Variants in PKHD1L1 observed in about 807,000 individuals in gnomAD.
PKHD1L1 encodes fibrocystin-L.
In PKHD1L1, 434 loss-of-function variants were observed where a neutral mutation model predicts 462.9. The observed-to-expected ratio is 0.94, with a 90% CI of 0.87 to 1.02. The LOEUF is 1.02. Among genes scored for constraint, PKHD1L1 ranks in the 50% least tolerant of loss-of-function variants. PKHD1L1 has a pLI of 0.00. For synonymous variants in PKHD1L1, 1,781 were observed against 1,750.0 expected (o/e 1.02, Z -0.44); for missense variants, 5,202 against 5,096.1 (o/e 1.02, Z -0.63).
intron 2 of PKHD1L1, among the ~76,000 whole-genome samples, chr8:109,375,929 G>A (rs1431266257): frequency 6.6e-6 from 1 of 152,228 alleles, no homozygotes; most frequent in Non-Finnish European, 1.5e-5. Flanking sequence ...ATGCCTCCCA[G>A]TTAGGCTACT....
intron 77 of PKHD1L1, among the ~76,000 whole-genome samples, chr8:109,527,361 G>C (rs1231066028): frequency 6.6e-6 from 1 of 151,988 alleles, no homozygotes; most frequent in East Asian, 1.9e-4. Flanking sequence ...AAAATTAGCT[G>C]GGCATGGTGG....
chr8:109,367,551 G>C (rs1469241782), intron 2 of PKHD1L1, among the ~76,000 whole-genome samples: 2 of 152,168 alleles, frequency 1.3e-5, no homozygotes, highest in Admixed American at 6.5e-5. Context: ...GTATAGTATT[G>C]ACTTGTAAAC....
intron 37 of PKHD1L1, 69 bp from the exon 38 acceptor site, chr8:109,444,592 T>C: frequency 7.3e-7 from 1 of 1,378,902 alleles, no homozygotes; most frequent in Non-Finnish European, 9.9e-7. Context: ...TAGTTGTTGC[T>C]AATACAAAAT....
At position 109,510,830 on chromosome 8, in the gene PKHD1L1, C is replaced by T. The variant is rs1470086056; in HGVS notation, c.11449C>T (p.Leu3817=). The T allele has an allele frequency of 6.2e-7, 1 of 1,613,346 alleles. No homozygotes were observed. Among genetic ancestry groups the T allele is most frequent in the Non-Finnish European group, 8.5e-7 (1 of 1,179,478 alleles). The stretch of plus-strand genomic sequence containing the variant: ...ATATACATGCCAGAGAAGGCTGTCC[C>T]TGTTTCACAGCATTGTGGCTCTGAA... The part of the protein sequence containing the change: ...AGYTCQRRLS[L]FHSIVALNKS... The change falls in exon 71 of 78, where the codon CTG becomes TTG. Residue 3817 remains leucine, a synonymous_variant. Coordinates refer to ENST00000378402, the MANE Select transcript of PKHD1L1 (RefSeq NM_177531.6).
chr8:109,525,337 G>C (rs1423639247), intron 76 of PKHD1L1, among the ~76,000 whole-genome samples: 1 of 152,214 alleles, frequency 6.6e-6, no homozygotes, highest in African/African-American at 2.4e-5. Context: ...ATTACTAACA[G>C]ACACTGGGAC....
At chr8:109,416,909 A>C (rs1179707565) in intron 21 of PKHD1L1, among the ~76,000 whole-genome samples, 1 of 152,134 alleles carries the variant, frequency 6.6e-6, no homozygotes, top group Admixed American at 6.5e-5. Flanking sequence ...GTGAAATAAC[A>C]ATTTTACTTT....
rs745388772 is a variant in PKHD1L1, at chr8:109,476,578, G to A, written c.8828G>A (p.Arg2943Lys). The A allele has an allele frequency of 1.4e-5, 22 of 1,569,928 alleles. No individual in the cohort carries two copies. The highest frequency in any genetic ancestry group is 2.3e-5 in the South Asian group (2 of 86,616). Residue 2943 changes from arginine to lysine, a missense_variant, in exon 52 of 78, where the codon AGG (arginine) becomes AAG (lysine). Arg to Lys is a conservative substitution (Grantham distance 26). Around this residue, in one of 3 missense-constraint regions of PKHD1L1, gnomAD observed 4,497 missense variants for 4,336.8 expected, o/e 1.04. Coordinates refer to ENST00000378402, the MANE Select transcript of PKHD1L1 (RefSeq NM_177531.6). ...GACATGTTTAATATTATTGATATGAGGAATGGTTCCTCAAATCCATTGAAT... is the reference window on the plus strand; with the variant it reads ...GACATGTTTAATATTATTGATATGAAGAATGGTTCCTCAAATCCATTGAAT... ...NPDMFNIIDM[R>K]NGSSNPLNWN...
chr8:109,520,777 G>A lies in PKHD1L1; in HGVS notation c.12032-1409G>A, dbSNP rs1216769424. 9.1e-5 allele frequency among the ~76,000 whole-genome samples: 11 copies of A among 120,498 alleles called. No individual in the cohort carries two copies. In the South Asian group the frequency reaches 2.9e-3, roughly 32 times the overall value. 79.1% of individuals were successfully genotyped at this position (120,498 alleles called of 152,430 possible). On this transcript the variant is annotated intron_variant, in intron 73 of 77. Coordinates refer to ENST00000378402, the MANE Select transcript of PKHD1L1 (RefSeq NM_177531.6). Reference sequence around the variant, plus strand: ...TATGTATTAAAGGCATTTATGAGCAGACAGTCCTACAGCCAGGAATAAGAG... The same window carrying A: ...TATGTATTAAAGGCATTTATGAGCAAACAGTCCTACAGCCAGGAATAAGAG...
At chr8:109,434,343 C>T (rs1484368839) in intron 28 of PKHD1L1, among the ~76,000 whole-genome samples, 12 of 150,232 alleles carry the variant, frequency 8.0e-5, no homozygotes, top group African/African-American at 2.9e-4. Flanking sequence ...TGTTTTCATA[C>T]ATACATCTCT....
Position 109,404,583 on chromosome 8 carries a change from A to G in PKHD1L1, c.1403A>G (p.Tyr468Cys), listed in dbSNP as rs772521761. Residue 468 changes from tyrosine (Y) to cysteine (C), a missense_variant, in exon 15 of 78, where the codon TAC becomes TGC. Physicochemically the swap from Tyr to Cys is radical, Grantham distance 194 (BLOSUM62 -2). Around this residue, in one of 3 missense-constraint regions of PKHD1L1, gnomAD observed 4,497 missense variants for 4,336.8 expected, o/e 1.04. Transcript: ENST00000378402. ...TATATTGAAATCTTGCTGCAGGAGT[A>G]CAGATTAAGTGCATTTGTTGATGTT... is the stretch of plus-strand genomic sequence containing the variant. Reference protein sequence around the residue: ...EYYIEILLQEYRLSAFVDVGL... With the variant: ...EYYIEILLQECRLSAFVDVGL... 1.9e-6 allele frequency: 3 copies of G among 1,585,956 alleles called. No individual in the cohort carries two copies. In the South Asian group the frequency reaches 3.5e-5, roughly 18 times the overall value.
At position 109,381,159 on chromosome 8, in the gene PKHD1L1, C is replaced by T. The variant is rs192681126; in HGVS notation, c.164-211C>T. 6.6e-5 allele frequency among the ~76,000 whole-genome samples: 10 copies of T among 152,232 alleles called. No individual in the cohort carries two copies. The East Asian group carries it at 1.7e-3, about 26-fold the overall frequency. On this transcript the variant is annotated intron_variant, in intron 2 of 77. Coordinates refer to ENST00000378402, the MANE Select transcript of PKHD1L1 (RefSeq NM_177531.6). ...ATACTAAGAGATGACTGTATCTACC[C>T]TCCAGCAATACTTTTATGAGTAAAT...
At chr8:109,485,871 A>G (rs538782398) in intron 58 of PKHD1L1, among the ~76,000 whole-genome samples, 24 of 152,156 alleles carry the variant, frequency 1.6e-4, no homozygotes, top group African/African-American at 5.8e-4. Flanking sequence ...GCATGTGTCT[A>G]TAATTCTATA....
intron 27 of PKHD1L1, among the ~76,000 whole-genome samples, chr8:109,431,977 T>C (rs1245662107): frequency 6.6e-6 from 1 of 152,166 alleles, no homozygotes; most frequent in East Asian, 1.9e-4. Flanking sequence ...TTGGAAGTGA[T>C]CGGCTTCCTA....
intron 74 of PKHD1L1, among the ~76,000 whole-genome samples, 198 bp from the exon 75 acceptor site, chr8:109,522,546 T>A (rs1457288): frequency 2.8e-4 from 42 of 152,148 alleles, no homozygotes; most frequent in Admixed American, 1.4e-3. Context: ...GTATTGGTTA[T>A]AAATTTGTTT....
intron 16 of PKHD1L1, among the ~76,000 whole-genome samples, chr8:109,405,947 A>G (rs1347629152): frequency 2.6e-5 from 4 of 152,192 alleles, no homozygotes; most frequent in African/African-American, 9.6e-5. Context: ...GGCCTATGGA[A>G]CACCAATTTA....
At chr8:109,526,317 T>C (rs1820812761) in intron 76 of PKHD1L1, among the ~76,000 whole-genome samples, 1 of 152,248 alleles carries the variant, frequency 6.6e-6, no homozygotes, top group African/African-American at 2.4e-5. Flanking sequence ...TTTGCTGTAT[T>C]ATTCTTTCAA....
intron 9 of PKHD1L1, among the ~76,000 whole-genome samples, chr8:109,391,895 T>A (rs765752506): frequency 7.2e-5 from 11 of 152,160 alleles, no homozygotes; most frequent in Non-Finnish European, 1.5e-4. Flanking sequence ...GCAATCGGTG[T>A]CATTATAACA....
rs1239110784 is a variant in PKHD1L1, at chr8:109,362,667, C to T, written c.73+14C>T. ...ATCCCAGCACAGGTAACCCTTTGGGCACGCTAGGCAGGCAAGCAGGAGAGG... is the reference window on the plus strand; with the variant it reads ...ATCCCAGCACAGGTAACCCTTTGGGTACGCTAGGCAGGCAAGCAGGAGAGG... On this transcript the variant is annotated intron_variant, in intron 1 of 77. Coordinates refer to ENST00000378402, the MANE Select transcript of PKHD1L1 (RefSeq NM_177531.6). 3.1e-6 allele frequency: 5 copies of T among 1,588,136 alleles called. No individual in the cohort carries two copies. The highest frequency in any genetic ancestry group is 4.3e-6 in the Non-Finnish European group (5 of 1,166,814).
At chr8:109,411,897 G>C (rs1014417980) in intron 19 of PKHD1L1, among the ~76,000 whole-genome samples, 3 of 152,082 alleles carry the variant, frequency 2.0e-5, no homozygotes, top group Non-Finnish European at 4.4e-5. Context: ...CTATCTACAG[G>C]GGGATAGGGT....
Sources: allele counts gnomAD v4.1 joint callset (sites outside exome capture counted in the v4.1 genomes callset), GRCh38; gene constraint gnomAD v4.1.1; regional missense constraint gnomAD v4.1.1; transcripts MANE v1.5; gene names NCBI Gene and HGNC (gene_info 2026-07-23, HGNC 2026-07-21).